Variants in SIMC1 observed in about 807,000 individuals in gnomAD.
SIMC1 encodes the protein SUMO interacting motifs containing 1, also known as SUMO-interacting motif-containing protein 1.
A neutral mutation model predicts 82.3 loss-of-function variants in SIMC1; 55 were observed. The ratio of observed to expected loss-of-function variants is 0.67; its 90% CI spans 0.54 to 0.84. The LOEUF (loss-of-function observed/expected upper bound fraction) is 0.84. Ranked by LOEUF, SIMC1 falls within the 40% of genes least tolerant of loss-of-function variation. The pLI is 0.00. For synonymous variants in SIMC1, 353 were observed against 426.3 expected (o/e 0.83, Z 2.12); for missense variants, 915 against 1,107.2 (o/e 0.83, Z 2.46).
At chr5:176,245,734 CTATG>C (rs1761414275) in intron 1 of SIMC1, among the ~76,000 whole-genome samples, 2 of 151,946 alleles carry the variant, frequency 1.3e-5, no homozygotes, top group South Asian at 4.2e-4. Flanking sequence ...CCATAATAAA[CTATG>C]TGTGTATTCA....
chr5:176,309,032 G>A, intron 4 of SIMC1: 2 of 775,316 alleles, frequency 2.6e-6, no homozygotes, highest in African/African-American at 1.7e-5. Context: ...ACAAAATGGA[G>A]AAAGATGAAA....
At position 176,322,320 on chromosome 5, in the gene SIMC1, C is replaced by G. The variant is rs1168881188; in HGVS notation, c.1937C>G (p.Thr646Ser). The change falls in exon 6 of 10, where the codon ACT (threonine) becomes AGT (serine). Residue 646 changes from threonine (T) to serine (S), a missense_variant. Transcript: ENST00000429602. Reference protein sequence around the residue: ...LVKAVTEDGLTQPPNGNQTSS... With the variant: ...LVKAVTEDGLSQPPNGNQTSS... ...AAAGCAGTAACTGAAGATGGATTGACTCAGCCCCCAAATGGAAATCAAACG... is the reference window on the plus strand; with the variant it reads ...AAAGCAGTAACTGAAGATGGATTGAGTCAGCCCCCAAATGGAAATCAAACG... 1 of 1,583,478 alleles carries G rather than the reference C, an allele frequency of 6.3e-7. No individual in the cohort carries two copies. Among genetic ancestry groups the G allele is most frequent in the African/African-American group, 1.3e-5 (1 of 74,246 alleles).
intron 1 of SIMC1, among the ~76,000 whole-genome samples, chr5:176,277,080 C>T (rs1338137018): frequency 6.6e-5 from 10 of 151,756 alleles, no homozygotes; most frequent in African/African-American, 2.4e-4. Context: ...TAAAAGTGTT[C>T]CTGTTTCTCC....
intron 1 of SIMC1, among the ~76,000 whole-genome samples, chr5:176,262,160 T>A (rs1033864239): frequency 6.6e-6 from 1 of 151,398 alleles, no homozygotes; most frequent in Non-Finnish European, 1.5e-5. Context: ...AGGTCAATTC[T>A]ACATTTGAAA....
chr5:176,322,392 C>T lies in SIMC1; in HGVS notation c.2009C>T (p.Ser670Phe), dbSNP rs1330732067. ...AAAGCCAGCAGTAGCCACCCTTCTT[C>T]CCAGCCCAACCTGACAAAGAACACC... is the stretch of plus-strand genomic sequence containing the variant. ...ILKASSSHPS[S>F]QPNLTKNTNQ... Residue 670 changes from serine to phenylalanine, a missense_variant, in exon 6 of 10, where the codon TCC becomes TTC. Around this residue, in one of 2 missense-constraint regions of SIMC1, gnomAD observed 902 missense variants for 1,040.3 expected, o/e 0.87. Transcript: ENST00000429602. 3.1e-6 allele frequency: 5 copies of T among 1,609,252 alleles called. No homozygotes were observed. In the African/African-American group the frequency reaches 4.0e-5, roughly 13 times the overall value.
intron 4 of SIMC1, among the ~76,000 whole-genome samples, chr5:176,305,569 G>A (rs1214793487): frequency 6.9e-6 from 1 of 143,954 alleles, no homozygotes; most frequent in African/African-American, 2.6e-5. Flanking sequence ...CGCCCCGTCC[G>A]GGAGGGAGGT....
At chr5:176,309,371 A>C (rs12514406) in intron 4 of SIMC1, among the ~76,000 whole-genome samples, 48 of 152,238 alleles carry the variant, frequency 3.2e-4, no homozygotes, top group Admixed American at 1.3e-4. Context: ...TATAAAATTT[A>C]ATTCAAAATG....
At chr5:176,304,123 G>C (rs941636433) in intron 4 of SIMC1, among the ~76,000 whole-genome samples, 3 of 152,152 alleles carry the variant, frequency 2.0e-5, no homozygotes, top group African/African-American at 4.8e-5. Flanking sequence ...ATACCAAATA[G>C]AGTGAAAAGG....
chr5:176,285,330 A>G (rs1027637983), intron 1 of SIMC1, among the ~76,000 whole-genome samples: 6 of 152,242 alleles, frequency 3.9e-5, no homozygotes, highest in Non-Finnish European at 7.3e-5. Flanking sequence ...AGGCTGGTTC[A>G]ATATACAGAA....
chr5:176,286,190 G>A (rs568709647), intron 1 of SIMC1, among the ~76,000 whole-genome samples: 1 of 152,404 alleles, frequency 6.6e-6, no homozygotes, highest in Admixed American at 6.5e-5. Flanking sequence ...ACAGTCCTAA[G>A]CAAAAAGAAC....
intron 7 of SIMC1, among the ~76,000 whole-genome samples, chr5:176,335,124 A>G (rs1765831871): frequency 6.6e-6 from 1 of 151,764 alleles, no homozygotes; most frequent in Non-Finnish European, 1.5e-5. Flanking sequence ...AATAATAATC[A>G]TCACAGTCCT....
intron 7 of SIMC1, among the ~76,000 whole-genome samples, chr5:176,325,693 AAAT>A (rs1250258788): frequency 1.3e-5 from 2 of 152,092 alleles, no homozygotes; most frequent in East Asian, 3.8e-4. Flanking sequence ...CTCAAAAAAT[AAAT>A]AATAAATTAA....
At chr5:176,284,623 G>A (rs1204060965) in intron 1 of SIMC1, among the ~76,000 whole-genome samples, 1 of 152,138 alleles carries the variant, frequency 6.6e-6, no homozygotes, top group Non-Finnish European at 1.5e-5. Context: ...AACTACAGAA[G>A]CAAGAGCAAC....
At chr5:176,281,759 G>A (rs531198509) in intron 1 of SIMC1, among the ~76,000 whole-genome samples, 60 of 152,300 alleles carry the variant, frequency 3.9e-4, no homozygotes, top group African/African-American at 1.3e-3. Context: ...CGTGAACCGC[G>A]AATGCTGCCG....
At chr5:176,315,657 G>A (rs989900817) in intron 5 of SIMC1, among the ~76,000 whole-genome samples, 1 of 152,156 alleles carries the variant, frequency 6.6e-6, no homozygotes, top group Non-Finnish European at 1.5e-5. Flanking sequence ...AGTATACACA[G>A]GTCAACATGG....
intron 9 of SIMC1, 127 bp downstream of exon 9, chr5:176,337,273 G>T (rs1765943577): frequency 1.2e-6 from 1 of 803,502 alleles, no homozygotes; most frequent in Non-Finnish European, 2.0e-6. Flanking sequence ...TATTATAAGG[G>T]ATAAGAAATG....
intron 7 of SIMC1, among the ~76,000 whole-genome samples, chr5:176,334,152 A>G (rs1765787648): frequency 6.6e-6 from 1 of 152,046 alleles, no homozygotes; most frequent in Non-Finnish European, 1.5e-5. Context: ...TTCTATGGAC[A>G]TTTGCTCCTG....
intron 9 of SIMC1, among the ~76,000 whole-genome samples, chr5:176,340,915 G>A (rs908019130): frequency 6.6e-6 from 1 of 152,182 alleles, no homozygotes; most frequent in African/African-American, 2.4e-5. Context: ...GGGATGCTGA[G>A]GTGGATGGAT....
chr5:176,290,499 A>T lies in SIMC1; in HGVS notation c.975A>T (p.Ser325=). The change falls in exon 2 of 10, where the codon TCA becomes TCT. Residue 325 remains serine, a synonymous_variant. Transcript: ENST00000429602. ...AGTCACCAAGTGATGTTTCACCGTC[A>T]CCAGATGCACCACAGTCACCAGGGG... ...VPQSPSDVSP[S]PDAPQSPGGM... is the part of the protein sequence containing the mutation. 2 of 1,613,934 alleles carry T rather than the reference A, an allele frequency of 1.2e-6. No homozygotes were observed. The highest frequency in any genetic ancestry group is 1.7e-6 in the Non-Finnish European group (2 of 1,179,880).
Sources: gnomAD v4.1 joint callset for allele counts (sites outside exome capture counted in the v4.1 genomes callset) on GRCh38, gnomAD v4.1.1 for gene constraint, gnomAD v4.1.1 regional missense constraint, MANE v1.5 for transcripts, NCBI Gene and HGNC (gene_info 2026-07-23, HGNC 2026-07-21) for gene names.